Variants in SDK1 observed in about 807,000 individuals in gnomAD.
SDK1 encodes the protein sidekick cell adhesion molecule 1, also known as protein sidekick-1.
Under a neutral mutation model 245.5 loss-of-function variants are expected in SDK1, and 157 were observed. The observed-to-expected ratio is 0.64, with a 90% CI of 0.56 to 0.73. The LOEUF (loss-of-function observed/expected upper bound fraction) is 0.73. Among genes scored for constraint, SDK1 ranks in the 30% least tolerant of loss-of-function variants. The pLI is 0.00. For synonymous variants in SDK1, 1,647 were observed against 1,278.5 expected (o/e 1.29, Z -6.15); for missense variants, 3,583 against 3,002.3 (o/e 1.19, Z -4.52).
chr7:4,158,654 G>A, intron 31 of SDK1, 103 bp downstream of exon 31: 6 of 760,462 alleles, frequency 7.9e-6, no homozygotes, highest in Non-Finnish European at 9.0e-6. Flanking sequence ...CCACCAGGGA[G>A]TGGTGGAAAG....
At chr7:3,857,696 AAATG>A (rs1306063309) in intron 5 of SDK1, among the ~76,000 whole-genome samples, 2 of 151,972 alleles carry the variant, frequency 1.3e-5, no homozygotes, top group African/African-American at 4.8e-5. Flanking sequence ...CAAAAAAAAA[AAATG>A]AAAGAAAACC....
chr7:3,478,913 T>C (rs906738007), intron 1 of SDK1, among the ~76,000 whole-genome samples: 4 of 152,226 alleles, frequency 2.6e-5, no homozygotes, highest in Non-Finnish European at 5.9e-5. Flanking sequence ...ACTTTAGCTT[T>C]ATGATTTCTT....
intron 1 of SDK1, among the ~76,000 whole-genome samples, chr7:3,437,178 G>A (rs1239051258): frequency 1.3e-5 from 2 of 152,082 alleles, no homozygotes; most frequent in African/African-American, 4.8e-5. Flanking sequence ...ACCCTTCAGG[G>A]GTGAAAGGAG....
chr7:3,403,170 G>A (rs1778936633), intron 1 of SDK1, among the ~76,000 whole-genome samples: 1 of 152,110 alleles, frequency 6.6e-6, no homozygotes, highest in Non-Finnish European at 1.5e-5. Flanking sequence ...CTGACCTCAG[G>A]TGATCTGCCC....
chr7:3,893,382 T>C, intron 5 of SDK1, among the ~76,000 whole-genome samples: 1 of 152,128 alleles, frequency 6.6e-6, no homozygotes, highest in Non-Finnish European at 1.5e-5. Context: ...GCTATGCTTA[T>C]CTGTAAATGA....
intron 1 of SDK1, among the ~76,000 whole-genome samples, chr7:3,368,469 C>T (rs150591018): frequency 1.3e-5 from 2 of 152,138 alleles, no homozygotes; most frequent in Non-Finnish European, 2.9e-5. Context: ...GGTTTTGAAG[C>T]AGAGCAATCA....
intron 5 of SDK1, among the ~76,000 whole-genome samples, chr7:3,822,685 T>G (rs552281102): frequency 6.6e-6 from 1 of 151,922 alleles, no homozygotes; most frequent in East Asian, 1.9e-4. Context: ...GGAGAGTCAC[T>G]TGAAACTAGG....
At chr7:3,882,744 C>A (rs924633153) in intron 5 of SDK1, among the ~76,000 whole-genome samples, 20 of 151,950 alleles carry the variant, frequency 1.3e-4, no homozygotes, top group African/African-American at 4.8e-4. Flanking sequence ...TTTTTAAAAG[C>A]CAACTTGGCA....
intron 4 of SDK1, among the ~76,000 whole-genome samples, chr7:3,716,440 G>A (rs1453993212): frequency 6.6e-6 from 1 of 152,136 alleles, no homozygotes; most frequent in East Asian, 1.9e-4. Context: ...TCTGTATTTG[G>A]CAAAAATATC....
At chr7:3,354,836 A>C (rs12535881) in intron 1 of SDK1, among the ~76,000 whole-genome samples, 3,699 of 152,350 alleles carry the variant, frequency 0.024, 64 homozygotes, top group Admixed American at 0.051. Flanking sequence ...TGAAGCAGCT[A>C]ACCAAGGAAA....
At position 3,675,574 on chromosome 7, in the gene SDK1, TG is replaced by T. The variant is rs1783866839; in HGVS notation, c.713+33470del. ...CCCTACTCCTTTTTGTTTGTTTGTT[TG>T]TTTGTTTGTTTGTAAAGAGATGAGG... On this transcript the variant is annotated intron_variant, in intron 4 of 44. Coordinates refer to ENST00000404826, the MANE Select transcript of SDK1 (RefSeq NM_152744.4). Among the ~76,000 whole-genome samples the T allele has an allele frequency of 4.6e-5, 7 of 150,966 alleles. No individual in the cohort carries two copies. In the South Asian group the frequency reaches 1.0e-3, roughly 22 times the overall value.
chr7:3,476,147 G>A (rs1258226891), intron 1 of SDK1: 1 of 152,552 alleles, frequency 6.6e-6, no homozygotes, highest in Non-Finnish European at 1.5e-5. Flanking sequence ...TTTCACTCAT[G>A]AAAGGTTTTG....
At chr7:3,537,106 A>T (rs1479365876) in intron 1 of SDK1, among the ~76,000 whole-genome samples, 1 of 152,208 alleles carries the variant, frequency 6.6e-6, no homozygotes, top group African/African-American at 2.4e-5. Context: ...AAATTCCCTT[A>T]AATCCCTGTT....
chr7:3,668,493 GGGCCT>G (rs1239650293), intron 4 of SDK1, among the ~76,000 whole-genome samples: 1 of 152,148 alleles, frequency 6.6e-6, no homozygotes, highest in African/African-American at 2.4e-5. Context: ...ATATTGCCTT[GGGCCT>G]GGTGCAGTGG....
intron 4 of SDK1, among the ~76,000 whole-genome samples, chr7:3,657,451 G>T (rs1199707530): frequency 6.6e-6 from 1 of 152,168 alleles, no homozygotes; most frequent in African/African-American, 2.4e-5. Flanking sequence ...TGGAAATTCA[G>T]GGTCCTACCC....
intron 1 of SDK1, among the ~76,000 whole-genome samples, chr7:3,550,206 G>C (rs935882541): frequency 2.0e-5 from 3 of 152,020 alleles, no homozygotes; most frequent in African/African-American, 7.3e-5. Flanking sequence ...AATTGAGATA[G>C]CACCAATTAT....
At chr7:4,046,659 A>G (rs1032137399) in intron 17 of SDK1, among the ~76,000 whole-genome samples, 8 of 152,200 alleles carry the variant, frequency 5.3e-5, no homozygotes, top group Non-Finnish European at 8.8e-5. Flanking sequence ...CTTCTCCAGT[A>G]ACACCCGTTT....
At chr7:4,043,924 C>G (rs1043288823) in intron 17 of SDK1, among the ~76,000 whole-genome samples, 2 of 151,968 alleles carry the variant, frequency 1.3e-5, no homozygotes, top group African/African-American at 4.8e-5. Flanking sequence ...TTGGTCTTTT[C>G]CCAATAGCTC....
chr7:4,108,357 T>A (rs1397104114), intron 22 of SDK1, among the ~76,000 whole-genome samples: 2 of 152,066 alleles, frequency 1.3e-5, no homozygotes, highest in Non-Finnish European at 2.9e-5. Flanking sequence ...AACTCTTGTT[T>A]TCTGTGTCTC....
Sources: allele counts gnomAD v4.1 joint callset (sites outside exome capture counted in the v4.1 genomes callset), GRCh38; gene constraint gnomAD v4.1.1; transcripts MANE v1.5; gene names NCBI Gene and HGNC (gene_info 2026-07-23, HGNC 2026-07-21).